KCNMA1: variants seen among roughly 807,000 people sequenced by gnomAD.
KCNMA1 encodes the protein Calcium-activated potassium channel subunit alpha-1.
In KCNMA1, 29 loss-of-function variants were observed where a neutral mutation model predicts 140.0. The observed-to-expected ratio is 0.21, with a 90% CI of 0.15 to 0.28. The LOEUF (loss-of-function observed/expected upper bound fraction) is 0.28. Ranked by LOEUF, KCNMA1 falls within the 10% of genes least tolerant of loss-of-function variation. The pLI is 1.00. For missense variants in KCNMA1, 880 were observed against 1,602.2 expected, an observed-to-expected ratio of 0.55 and a Z score of 7.70; for synonymous variants, 612 against 611.9, an observed-to-expected ratio of 1.00 and a Z score of 0.00.
At chr10:77,168,846 C>G (rs1392331884) in intron 5 of KCNMA1, among the ~76,000 whole-genome samples, 2 of 152,094 alleles carry the variant, frequency 1.3e-5, no homozygotes, top group Non-Finnish European at 2.9e-5. Context: ...AAATCTAGAC[C>G]AGGGATCAGC....
In KCNMA1 at chr10:77,403,810, C is replaced by T. The variant is rs553516060; in HGVS notation, c.540+52G>A. ...ATATCACGTCTCATAAGCAAAGCCA[C>T]CTTGGCCCAGACAGCAAGGCCTCCT... On this transcript the variant is annotated intron_variant, in intron 2 of 27. Transcript: ENST00000286628. The T allele has an allele frequency of 2.0e-5, 32 of 1,570,544 alleles. 1 individual carries two copies. The highest frequency in any genetic ancestry group is 2.7e-5 in the Non-Finnish European group (31 of 1,152,970).
chr10:77,518,534 T>A (rs1349184699), intron 1 of KCNMA1, among the ~76,000 whole-genome samples: 1 of 152,186 alleles, frequency 6.6e-6, no homozygotes, highest in Admixed American at 6.5e-5. Flanking sequence ...CTCAGAAATC[T>A]AGGAGCACGT....
intron 21 of KCNMA1, chr10:76,951,904 C>A (rs190458023): frequency 3.4e-6 from 3 of 874,648 alleles, no homozygotes; most frequent in East Asian, 5.5e-5. Context: ...TGCTAGAACA[C>A]AAGCTCTGTG....
chr10:77,281,289 A>T (rs1447407802), intron 2 of KCNMA1, among the ~76,000 whole-genome samples: 1 of 152,218 alleles, frequency 6.6e-6, no homozygotes, highest in Non-Finnish European at 1.5e-5. Flanking sequence ...TGAATGCATT[A>T]GAAAAAAAGT....
chr10:77,176,294 T>C (rs1487654834), intron 5 of KCNMA1, among the ~76,000 whole-genome samples: 1 of 152,186 alleles, frequency 6.6e-6, no homozygotes. Flanking sequence ...CAATAAAGCA[T>C]GATTCCTAAA....
intron 1 of KCNMA1, among the ~76,000 whole-genome samples, chr10:77,512,403 T>G (rs190726873): frequency 2.0e-5 from 3 of 152,306 alleles, no homozygotes. Flanking sequence ...TTACAGTATA[T>G]TGTTATAATT....
At chr10:77,125,431 T>C (rs1437842044) in intron 5 of KCNMA1, among the ~76,000 whole-genome samples, 1 of 152,244 alleles carries the variant, frequency 6.6e-6, no homozygotes, top group African/African-American at 2.4e-5. Context: ...CCAGGGCCTC[T>C]GCACATGCAG....
intron 1 of KCNMA1, among the ~76,000 whole-genome samples, chr10:77,610,952 G>C (rs1222969441): frequency 2.0e-5 from 3 of 152,194 alleles, no homozygotes; most frequent in Admixed American, 2.0e-4. Context: ...GAGTCCAACT[G>C]TCCAGGCTCA....
chr10:77,433,808 G>A (rs2097199487), intron 1 of KCNMA1: 2 of 152,196 alleles, frequency 1.3e-5, no homozygotes, highest in African/African-American at 4.8e-5. Flanking sequence ...CAAAAGGTAT[G>A]TCAGCCTCAA....
At chr10:77,533,100 T>C (rs983579454) in intron 1 of KCNMA1, among the ~76,000 whole-genome samples, 3 of 152,228 alleles carry the variant, frequency 2.0e-5, no homozygotes, top group African/African-American at 7.2e-5. Flanking sequence ...AGTGAATGCA[T>C]ATGTATTTCT....
At chr10:76,988,767 G>C (rs1213828471) in intron 19 of KCNMA1, among the ~76,000 whole-genome samples, 1 of 152,108 alleles carries the variant, frequency 6.6e-6, no homozygotes, top group Non-Finnish European at 1.5e-5. Context: ...GGAATGATGA[G>C]ACCTGAAGTC....
intron 1 of KCNMA1, among the ~76,000 whole-genome samples, chr10:77,456,137 G>T (rs2097759547): frequency 6.6e-6 from 1 of 152,208 alleles, no homozygotes; most frequent in African/African-American, 2.4e-5. Flanking sequence ...AGAAGAGTCT[G>T]CAGGAGGCAC....
intron 1 of KCNMA1, among the ~76,000 whole-genome samples, chr10:77,506,707 CGA>C (rs140333440): frequency 3.1e-4 from 13 of 42,086 alleles, no homozygotes; most frequent in Non-Finnish European, 4.9e-4. Flanking sequence ...AGAGATGTTC[CGA>C]GAGAGAGAGA....
intron 1 of KCNMA1, among the ~76,000 whole-genome samples, chr10:77,624,594 G>A (rs1001536713): frequency 1.3e-5 from 2 of 152,002 alleles, no homozygotes; most frequent in Admixed American, 6.6e-5. Context: ...CTTAATCTTT[G>A]GTTCTTTATC....
chr10:76,997,439 C>G (rs536882555), intron 19 of KCNMA1, among the ~76,000 whole-genome samples: 53 of 152,356 alleles, frequency 3.5e-4, no homozygotes, highest in Non-Finnish European at 6.6e-4. Context: ...GTCTGCTTCT[C>G]TTCTACCACA....
chr10:77,467,461 C>T (rs1300242165), intron 1 of KCNMA1, among the ~76,000 whole-genome samples: 2 of 152,210 alleles, frequency 1.3e-5, no homozygotes, highest in African/African-American at 2.4e-5. Context: ...GTGCGATGAT[C>T]CAACAGGGTT....
chr10:77,269,488 A>G (rs1429220777), intron 2 of KCNMA1, among the ~76,000 whole-genome samples: 4 of 152,180 alleles, frequency 2.6e-5, no homozygotes, highest in Non-Finnish European at 5.9e-5. Flanking sequence ...GGGAAAGATA[A>G]CTTCATTCAG....
chr10:77,166,606 G>C lies in KCNMA1; in HGVS notation c.808+16815C>G, dbSNP rs941065423. Among the ~76,000 whole-genome samples the C allele has an allele frequency of 3.9e-5, 6 of 152,058 alleles. No homozygotes were observed. The East Asian group carries it at 1.2e-3, about 29-fold the overall frequency. On this transcript the variant is annotated intron_variant, in intron 5 of 27. Transcript: ENST00000286628. ...AGAGGAAGAGGAGGGGAAGGACATG[G>C]AGGAGGGAAAAGAAAAGGAGAAGGA...
chr10:77,393,615 A>G (rs1390633899), intron 2 of KCNMA1, among the ~76,000 whole-genome samples: 2 of 152,174 alleles, frequency 1.3e-5, no homozygotes, highest in African/African-American at 4.8e-5. Context: ...TGGGCTTCCA[A>G]CTGCCCAGCC....
Sources: gnomAD v4.1 joint callset for allele counts (sites outside exome capture counted in the v4.1 genomes callset) on GRCh38, gnomAD v4.1.1 for gene constraint, MANE v1.5 for transcripts, NCBI Gene and HGNC (gene_info 2026-07-23, HGNC 2026-07-21) for gene names.